The following NFIB variants were observed in gnomAD, a reference collection of about 807,000 sequenced individuals.
The protein encoded by NFIB is nuclear factor 1 B-type.
In NFIB, 11 loss-of-function variants were observed where a neutral mutation model predicts 61.5. That is an observed-to-expected ratio of 0.18 (90% CI 0.11 to 0.30). NFIB has a LOEUF of 0.30. Ranked by LOEUF, NFIB falls within the 10% of genes least tolerant of loss-of-function variation. The pLI is 1.00. For missense variants in NFIB, 471 were observed against 608.9 expected (o/e 0.77, Z 2.38); for synonymous variants, 260 against 216.5 (o/e 1.20, Z -1.76).
chr9:14,468,836 C>G, the NFIB span, among the ~76,000 whole-genome samples: 2 of 152,202 alleles, frequency 1.3e-5, no homozygotes, highest in South Asian at 4.1e-4. Flanking sequence ...AACTAAGACT[C>G]TCACAAGTAA....
intron 2 of NFIB, among the ~76,000 whole-genome samples, chr9:14,187,422 T>A (rs1198215561): frequency 2.6e-5 from 4 of 152,182 alleles, no homozygotes; most frequent in Non-Finnish European, 5.9e-5. Flanking sequence ...TATCTTCAGA[T>A]CCCTCTTTCT....
At chr9:14,137,657 T>C (rs2041217273) in intron 6 of NFIB, among the ~76,000 whole-genome samples, 2 of 152,184 alleles carry the variant, frequency 1.3e-5, no homozygotes, top group African/African-American at 4.8e-5. Flanking sequence ...ACAATTACAG[T>C]GCACTAGGCT....
chr9:14,467,408 G>C, the NFIB span, among the ~76,000 whole-genome samples: 2 of 151,928 alleles, frequency 1.3e-5, no homozygotes, highest in Non-Finnish European at 2.9e-5. Flanking sequence ...CGCATGAGTG[G>C]GTGAGACAGT....
the NFIB span, among the ~76,000 whole-genome samples, chr9:14,490,550 T>C: frequency 6.6e-6 from 1 of 152,094 alleles, no homozygotes; most frequent in African/African-American, 2.4e-5. Context: ...TTGTAACACT[T>C]ACAGTTGACA....
chr9:14,456,994 G>C, the NFIB span, among the ~76,000 whole-genome samples: 67 of 152,280 alleles, frequency 4.4e-4, no homozygotes, highest in South Asian at 0.013. Context: ...ATTGAACAAT[G>C]TACAACCATA....
the NFIB span, among the ~76,000 whole-genome samples, chr9:14,500,552 T>C: frequency 1.3e-5 from 2 of 152,180 alleles, no homozygotes; most frequent in Non-Finnish European, 2.9e-5. Context: ...CACACTGTCC[T>C]TTAGAGTACT....
chr9:14,299,915 G>C (rs910832072), intron 2 of NFIB, among the ~76,000 whole-genome samples: 1 of 152,110 alleles, frequency 6.6e-6, no homozygotes, highest in Admixed American at 6.6e-5. Context: ...CACCTCACTT[G>C]TTAGCCATTT....
intron 10 of NFIB, among the ~76,000 whole-genome samples, chr9:14,090,848 C>A (rs1028589473): frequency 6.6e-6 from 1 of 151,980 alleles, no homozygotes; most frequent in African/African-American, 2.4e-5. Context: ...TGGCTCCTTA[C>A]ATGGACAAGT....
chr9:14,307,944 T>C lies in NFIB; in HGVS notation c.31-424A>G, dbSNP rs1402003857. On this transcript the variant is annotated intron_variant, in intron 1 of 10. Coordinates refer to ENST00000380953, the MANE Select transcript of NFIB (RefSeq NM_001190737.2). This position sits in a 1 kb window ranked among gnomAD's most constrained non-coding sequence, Gnocchi z 5.3. ...CCATTTTACAAAGAACACAGTGAGA[T>C]TTTTTTTTTTTAATCGGAGTAGAGC... 12 of 123,778 alleles carry C rather than the reference T, an allele frequency of 9.7e-5. No individual in the cohort carries two copies. Among genetic ancestry groups the C allele is most frequent in the African/African-American group, 4.2e-4 (12 of 28,648 alleles). The allele number at this position is 123,778 out of a possible 1,614,324, so 7.7% of individuals were successfully genotyped here. A position where few individuals can be genotyped will look rare whatever the true frequency, so the allele number is the denominator to read the frequency against.
the NFIB span, among the ~76,000 whole-genome samples, chr9:14,463,700 A>C: frequency 9.6e-6 from 1 of 103,986 alleles, no homozygotes; most frequent in Non-Finnish European, 1.8e-5. Flanking sequence ...AGTCTCTGTC[A>C]CCCAGGCTGG....
intron 10 of NFIB, among the ~76,000 whole-genome samples, chr9:14,102,668 T>C (rs1587190545): frequency 6.6e-6 from 1 of 152,080 alleles, no homozygotes; most frequent in East Asian, 1.9e-4. Flanking sequence ...AATCTTATTC[T>C]TGAAAAGCAA....
chr9:14,429,540 G>T, the NFIB span, among the ~76,000 whole-genome samples: 1 of 152,208 alleles, frequency 6.6e-6, no homozygotes, highest in African/African-American at 2.4e-5. Context: ...TAGGAGCACC[G>T]GCAGAATTGT....
At chr9:14,105,588 T>C (rs938192636) in intron 10 of NFIB, among the ~76,000 whole-genome samples, 17 of 152,110 alleles carry the variant, frequency 1.1e-4, no homozygotes, top group African/African-American at 3.9e-4. Context: ...AACTCCCTGA[T>C]AAAGTGAAAT....
At chr9:14,325,067 A>G (rs2060737742) in intron 1 of NFIB, among the ~76,000 whole-genome samples, 1 of 152,106 alleles carries the variant, frequency 6.6e-6, no homozygotes, top group African/African-American at 2.4e-5. Context: ...AAAAACTGAG[A>G]AGTGTTTTGA....
chr9:14,110,869 A>C (rs2037247624), intron 10 of NFIB, among the ~76,000 whole-genome samples: 1 of 152,154 alleles, frequency 6.6e-6, no homozygotes, highest in Non-Finnish European at 1.5e-5. Context: ...TCATTATAAA[A>C]TAAAGCATAT....
chr9:14,513,301 T>C, the NFIB span, among the ~76,000 whole-genome samples: 1 of 152,136 alleles, frequency 6.6e-6, no homozygotes, highest in Non-Finnish European at 1.5e-5. Context: ...TCTTCCTGTG[T>C]AAAGGTTTAA....
chr9:14,295,976 T>G (rs1242000606), intron 2 of NFIB, among the ~76,000 whole-genome samples: 1 of 152,226 alleles, frequency 6.6e-6, no homozygotes, highest in Non-Finnish European at 1.5e-5. Flanking sequence ...CATTCTAATT[T>G]AAATGGGTTT....
chr9:14,145,233 C>T (rs2131095632), intron 6 of NFIB, among the ~76,000 whole-genome samples: 1 of 152,192 alleles, frequency 6.6e-6, no homozygotes, highest in South Asian at 2.1e-4. Flanking sequence ...TGTGTCCAGC[C>T]ACATGGCACA....
At chr9:14,481,018 C>T in the NFIB span, among the ~76,000 whole-genome samples, 3 of 151,066 alleles carry the variant, frequency 2.0e-5, no homozygotes, top group Admixed American at 2.0e-4. Context: ...CTGTGAACCC[C>T]ATGACTCACT....
Sources: allele counts gnomAD v4.1 joint callset (sites outside exome capture counted in the v4.1 genomes callset), GRCh38; gene constraint gnomAD v4.1.1; non-coding constraint Gnocchi (gnomAD v3.1); transcripts MANE v1.5; gene names NCBI Gene and HGNC (gene_info 2026-07-23, HGNC 2026-07-21).